The following NLRP7 variants were observed in gnomAD, a reference collection of about 807,000 sequenced individuals.
The protein encoded by NLRP7 is NLR family pyrin domain containing 7, also known as NACHT, LRR and PYD domains-containing protein 7.
NLRP7 carries 72 observed loss-of-function variants against 85.5 expected under a neutral mutation model. That is an observed-to-expected ratio of 0.84 (90% CI 0.70 to 1.02). NLRP7 has a LOEUF of 1.02. Ranked by LOEUF, NLRP7 falls within the 50% of genes least tolerant of loss-of-function variation. NLRP7 has a pLI of 0.00. For missense variants in NLRP7, 1,243 were observed against 1,219.5 expected (o/e 1.02, Z -0.29); for synonymous variants, 550 against 505.2 (o/e 1.09, Z -1.19).
Position 54,934,362 on chromosome 19 carries a change from G to A in NLRP7, c.2471+127C>T, listed in dbSNP as rs774372805. 2.4e-5 allele frequency: 22 copies of A among 933,464 alleles called. No individual in the cohort carries two copies. Among genetic ancestry groups the A allele is most frequent in the East Asian group, 7.2e-5 (3 of 41,740 alleles). The allele number at this position is 933,464 out of a possible 1,614,324, so 57.8% of individuals were successfully genotyped here. On this transcript the variant is annotated intron_variant, in intron 7 of 9. Transcript: ENST00000340844. The surrounding 1 kb of genome is among the most constrained non-coding windows in gnomAD (Gnocchi z 6.7). ...GATTACAGGCAGGAGCCACCGTGCC[G>A]GGCCTGAAGCAGGTGTTTATTTCAG...
At chr19:54,943,556 G>A (rs980684543) in intron 1 of NLRP7, among the ~76,000 whole-genome samples, 12 of 145,568 alleles carry the variant, frequency 8.2e-5, no homozygotes, top group East Asian at 4.5e-4. Flanking sequence ...AGCGGAGATC[G>A]CGCCACCGCA....
rs182695753 is a variant in NLRP7 at position 54,935,422 on chromosome 19, G to A, written c.2301-763C>T. Among the ~76,000 whole-genome samples, 610 of 152,194 alleles carry A rather than the reference G, an allele frequency of 4.0e-3. 2 individuals are homozygous for A. Among genetic ancestry groups the A allele is most frequent in the African/African-American group, 7.3e-3 (302 of 41,530 alleles). ...AATAAAAATTTTATCCTGGCCAGGCGCAGTGGTTCATGCCTGTAATCCTAG... is the reference window on the plus strand; with the variant it reads ...AATAAAAATTTTATCCTGGCCAGGCACAGTGGTTCATGCCTGTAATCCTAG... On this transcript the variant is annotated intron_variant, in intron 6 of 9. Transcript: ENST00000340844.
At chr19:54,923,729 TC>T (rs1307545834) in exon 10 of NLRP7, 21 of 1,612,492 alleles carry the variant, frequency 1.3e-5, no homozygotes, top group Non-Finnish European at 1.8e-5. Context: ...CGTAGAGCGA[TC>T]CCAGGCTGCT....
exon 5 of NLRP7, chr19:54,938,217 G>C (rs750824432): frequency 6.2e-7 from 1 of 1,614,086 alleles, no homozygotes; most frequent in Non-Finnish European, 8.5e-7. Flanking sequence ...GCCGAGCCCA[G>C]TTCGGAATGG....
At chr19:54,924,077 C>T (rs374893752) in intron 9 of NLRP7, among the ~76,000 whole-genome samples, 1 of 152,166 alleles carries the variant, frequency 6.6e-6, no homozygotes, top group Non-Finnish European at 1.5e-5. Context: ...AAGCAATTCT[C>T]ATGCCTCAGG....
exon 4 of NLRP7, chr19:54,939,042 C>T (rs1355632267): frequency 6.2e-6 from 10 of 1,614,216 alleles, no homozygotes; most frequent in Non-Finnish European, 8.5e-6. Flanking sequence ...ATAGAAATTT[C>T]CTTGAACGGG....
intron 9 of NLRP7, among the ~76,000 whole-genome samples, chr19:54,925,098 G>C (rs2068375838): frequency 6.6e-6 from 1 of 152,076 alleles, no homozygotes; most frequent in Non-Finnish European, 1.5e-5. Context: ...TGGAGACACT[G>C]GCTTGCTATG....
intron 9 of NLRP7, 125 bp from the exon 11 acceptor site, chr19:54,923,997 T>A: frequency 9.9e-7 from 1 of 1,010,388 alleles, no homozygotes; most frequent in Non-Finnish European, 1.5e-6. Flanking sequence ...GGACAGGGTC[T>A]TGCTCTGTTG....
intron 1 of NLRP7, among the ~76,000 whole-genome samples, chr19:54,962,718 G>A (rs2070094101): frequency 6.6e-6 from 1 of 151,486 alleles, no homozygotes; most frequent in Non-Finnish European, 1.5e-5. Context: ...TCCTGCCTCA[G>A]CCTCCCGAGT....
intron 5 of NLRP7, among the ~76,000 whole-genome samples, chr19:54,936,852 T>C (rs1051055823): frequency 1.3e-5 from 2 of 151,630 alleles, no homozygotes; most frequent in African/African-American, 4.8e-5. Context: ...GAGGCAGAGG[T>C]TGCAGTGAGC....
At chr19:54,955,275 G>A (rs1188184716) in intron 1 of NLRP7, among the ~76,000 whole-genome samples, 43 of 152,078 alleles carry the variant, frequency 2.8e-4, no homozygotes, top group Middle Eastern at 3.4e-3. Context: ...GTTGCAGTGA[G>A]CCAAGATCAT....
intron 6 of NLRP7, among the ~76,000 whole-genome samples, chr19:54,935,968 A>G (rs1017085161): frequency 1.3e-5 from 2 of 152,152 alleles, no homozygotes; most frequent in Non-Finnish European, 2.9e-5. Context: ...GCTGGGGGCC[A>G]CTGCTCTCAA....
chr19:54,927,572 AAAACAAAAC>A (rs752850798), intron 9 of NLRP7, 24 bp downstream of exon 10: 10 of 1,609,210 alleles, frequency 6.2e-6, no homozygotes, highest in South Asian at 3.3e-5. Context: ...ACAAAAACAA[AAAACAAAAC>A]AAAACAAAAC....
At position 54,936,401 on chromosome 19, in the gene NLRP7, G is replaced by A. The variant is rs139643939; in HGVS notation, c.2160C>T (p.Tyr720=). ...CAATGAAAGCAAGACAGAAGTCCCG[G>A]TACGCGGTGTCAGGGGTGACGTTTT... Residue 720 remains tyrosine, a synonymous_variant, in exon 6 of 10, where the codon TAC becomes TAT. Transcript: ENST00000340844. 8.1e-6 allele frequency: 13 copies of A among 1,614,152 alleles called. No individual in the cohort carries two copies. The East Asian group carries it at 2.5e-4, about 30-fold the overall frequency.
Position 54,934,590 on chromosome 19 carries a change from G to A in NLRP7, c.2370C>T (p.Ser790=), listed in dbSNP as rs1429408465. The change falls in exon 7 of 10, where the codon TCC becomes TCT. Residue 790 remains serine (S), a synonymous_variant. Transcript: ENST00000340844. This position sits in a 1 kb window ranked among gnomAD's most constrained non-coding sequence, Gnocchi z 6.7. ...TGGCTGAGAGACGCAGGTGCTTCAG[G>A]GACTGGTTGGCTTTGAGGACATAGA... The A allele has an allele frequency of 1.6e-5, 26 of 1,614,000 alleles. No individual in the cohort carries two copies. Among genetic ancestry groups the A allele is most frequent in the Non-Finnish European group, 2.1e-5 (25 of 1,180,002 alleles).
At chr19:54,936,144 G>C in intron 6 of NLRP7, 117 bp downstream of exon 6, 2 of 885,252 alleles carry the variant, frequency 2.3e-6, no homozygotes, top group South Asian at 2.8e-5. Flanking sequence ...GCCTGTTTGA[G>C]GAATACATTC....
rs551780147 is a variant in NLRP7, at chr19:54,963,456, G to A, written c.-77+2584C>T. Among the ~76,000 whole-genome samples the A allele has an allele frequency of 7.2e-5, 11 of 152,230 alleles. No homozygotes were observed. The South Asian group carries it at 1.9e-3, about 26-fold the overall frequency. On this transcript the variant is annotated intron_variant, in intron 1 of 2. Coordinates refer to the NLRP7 transcript ENST00000587103. ...TGCAACCCAAGCACTTTGGGAGGCCGAGGCGGGCGGATCACGAGGTCAAGA... is the reference window on the plus strand; with the variant it reads ...TGCAACCCAAGCACTTTGGGAGGCCAAGGCGGGCGGATCACGAGGTCAAGA...
intron 1 of NLRP7, among the ~76,000 whole-genome samples, chr19:54,944,225 G>A (rs773400687): frequency 8.6e-5 from 13 of 151,736 alleles, no homozygotes; most frequent in Non-Finnish European, 1.8e-4. Flanking sequence ...TCTCCTGCTC[G>A]TCCCTGGGCA....
At chr19:54,941,074 A>G in intron 2 of NLRP7, 69 bp from the exon 3 acceptor site, 1 of 1,194,408 alleles carries the variant, frequency 8.4e-7, no homozygotes, top group Non-Finnish European at 1.2e-6. Context: ...TATTGTACAT[A>G]AAGTGTCAGC....
Sources: gnomAD v4.1 joint callset for allele counts (sites outside exome capture counted in the v4.1 genomes callset) on GRCh38, gnomAD v4.1.1 for gene constraint, Gnocchi (gnomAD v3.1) non-coding constraint, MANE v1.5 for transcripts, NCBI Gene and HGNC (gene_info 2026-07-23, HGNC 2026-07-21) for gene names.